PCDH15: variants seen among roughly 807,000 people sequenced by gnomAD.
The protein encoded by PCDH15 is protocadherin-15.
A neutral mutation model predicts 178.5 loss-of-function variants in PCDH15; 129 were observed. That is an observed-to-expected ratio of 0.72 (90% CI 0.63 to 0.84). The LOEUF (loss-of-function observed/expected upper bound fraction) is 0.84, where lower values mean the gene tolerates loss of function less well. Ranked by LOEUF, PCDH15 falls within the 40% of genes least tolerant of loss-of-function variation. The pLI is 0.00. For missense variants in PCDH15, 2,230 were observed against 2,099.9 expected, an observed-to-expected ratio of 1.06 and a Z score of -1.21; for synonymous variants, 800 against 732.0, an observed-to-expected ratio of 1.09 and a Z score of -1.50.
intron 15 of PCDH15, among the ~76,000 whole-genome samples, chr10:54,111,231 A>ATT (rs1369251106): frequency 6.6e-5 from 10 of 152,254 alleles, no homozygotes; most frequent in Non-Finnish European, 1.2e-4. Context: ...TTTACAAAAC[A>ATT]ACACAGTGAG....
At chr10:54,151,804 C>A (rs889156179) in intron 14 of PCDH15, among the ~76,000 whole-genome samples, 2 of 151,976 alleles carry the variant, frequency 1.3e-5, no homozygotes, top group African/African-American at 4.8e-5. Flanking sequence ...AACAAAAACA[C>A]TGAACTAGCT....
At position 54,255,129 on chromosome 10, in the gene PCDH15, A is replaced by G. The variant is rs143047726; in HGVS notation, c.877-18198T>C. 2.2e-4 allele frequency among the ~76,000 whole-genome samples: 34 copies of G among 152,350 alleles called. 1 individual carries two copies. The East Asian group carries it at 6.6e-3, about 29-fold the overall frequency. On this transcript the variant is annotated intron_variant, in intron 8 of 37. Coordinates refer to ENST00000644397, the MANE Select transcript of PCDH15 (RefSeq NM_001384140.1). ...GCTGTAGGTAATTTGTATTTTGGAC[A>G]AACATGTCAGACTTTTTTTATGTAC...
At chr10:54,711,549 T>A (rs17592217) in intron 1 of PCDH15, among the ~76,000 whole-genome samples, 10,216 of 151,946 alleles carry the variant, frequency 0.067, 464 homozygotes, top group Admixed American at 0.096. Flanking sequence ...AACTAAGGAA[T>A]CATAGAATTC....
chr10:54,500,492 C>T (rs932416677), intron 3 of PCDH15, among the ~76,000 whole-genome samples: 1 of 152,078 alleles, frequency 6.6e-6, no homozygotes, highest in Non-Finnish European at 1.5e-5. Flanking sequence ...AAATGATTTA[C>T]TGTCACTTAG....
intron 13 of PCDH15, among the ~76,000 whole-genome samples, chr10:54,164,791 A>G (rs994557654): frequency 2.6e-5 from 4 of 151,944 alleles, no homozygotes; most frequent in African/African-American, 9.7e-5. Flanking sequence ...ATGAGTGCAG[A>G]TGACTTAGAA....
intron 3 of PCDH15, among the ~76,000 whole-genome samples, chr10:54,509,825 A>G (rs1397711945): frequency 6.6e-6 from 1 of 152,146 alleles, no homozygotes; most frequent in Admixed American, 6.6e-5. Context: ...CTCAAGTGCT[A>G]ATAACTTGTT....
chr10:55,191,389 G>A (rs907078378), intron 1 of PCDH15, among the ~76,000 whole-genome samples: 1 of 151,706 alleles, frequency 6.6e-6, no homozygotes, highest in Non-Finnish European at 1.5e-5. Flanking sequence ...AGAAATGTAA[G>A]ATCCTAAGTA....
At chr10:54,710,381 ATT>A in intron 1 of PCDH15, among the ~76,000 whole-genome samples, 5 of 152,196 alleles carry the variant, frequency 3.3e-5, no homozygotes, top group Admixed American at 3.3e-4. Flanking sequence ...TTAGTTTAAT[ATT>A]GTTTAATAAT....
chr10:54,421,837 T>C (rs71502092), intron 3 of PCDH15, among the ~76,000 whole-genome samples: 2,981 of 41,984 alleles, frequency 0.071, 120 homozygotes, highest in Middle Eastern at 0.17. Flanking sequence ...TATATATATA[T>C]ACACACACAC....
intron 3 of PCDH15, among the ~76,000 whole-genome samples, chr10:54,880,413 A>G (rs1954241288): frequency 6.6e-6 from 1 of 152,116 alleles, no homozygotes; most frequent in Admixed American, 6.6e-5. Context: ...GTCTAATTAA[A>G]TGTGCCTGCC....
intron 2 of PCDH15, among the ~76,000 whole-genome samples, chr10:54,898,535 C>A (rs1000830806): frequency 6.6e-6 from 1 of 152,084 alleles, no homozygotes; most frequent in African/African-American, 2.4e-5. Context: ...GCAACTCTTT[C>A]TCTCAATAAG....
chr10:54,282,393 G>A (rs1454899912), intron 8 of PCDH15, among the ~76,000 whole-genome samples: 1 of 152,052 alleles, frequency 6.6e-6, no homozygotes, highest in Non-Finnish European at 1.5e-5. Context: ...GAAATAGAGT[G>A]TTAGGACTTT....
intron 2 of PCDH15, among the ~76,000 whole-genome samples, chr10:55,398,259 C>G (rs896054626): frequency 4.6e-5 from 7 of 151,902 alleles, no homozygotes; most frequent in African/African-American, 1.7e-4. Flanking sequence ...CCTTTAGCCT[C>G]CTGAATGAAC....
chr10:54,278,715 A>G (rs2058491903), intron 8 of PCDH15, among the ~76,000 whole-genome samples: 1 of 151,618 alleles, frequency 6.6e-6, no homozygotes, highest in Non-Finnish European at 1.5e-5. Context: ...TTTGGTCATG[A>G]ATATCAAAGT....
chr10:55,063,014 C>A (rs1349083111), intron 2 of PCDH15, among the ~76,000 whole-genome samples: 4 of 152,072 alleles, frequency 2.6e-5, no homozygotes, highest in Admixed American at 6.6e-5. Flanking sequence ...CATTTTGAAT[C>A]TCATCATTAT....
At chr10:54,148,745 A>T (rs2044228201) in intron 14 of PCDH15, among the ~76,000 whole-genome samples, 1 of 152,004 alleles carries the variant, frequency 6.6e-6, no homozygotes, top group Admixed American at 6.6e-5. Flanking sequence ...ATTTTATCTT[A>T]TTTTTGACAA....
At chr10:54,269,281 T>C (rs2057899218) in intron 8 of PCDH15, among the ~76,000 whole-genome samples, 1 of 151,988 alleles carries the variant, frequency 6.6e-6, no homozygotes, top group Admixed American at 6.6e-5. Context: ...TTCTACTGAA[T>C]GAAAGCAATA....
At chr10:54,093,076 C>T (rs2094628059) in intron 15 of PCDH15, among the ~76,000 whole-genome samples, 1 of 107,614 alleles carries the variant, frequency 9.3e-6, no homozygotes, top group Non-Finnish European at 2.3e-5. Context: ...AAGATGAGAA[C>T]ACTGTATTTA....
chr10:54,227,315 C>T (rs911306138), intron 9 of PCDH15, among the ~76,000 whole-genome samples: 1 of 152,222 alleles, frequency 6.6e-6, no homozygotes, highest in Non-Finnish European at 1.5e-5. Context: ...CTTCTGAGCA[C>T]TCACAGGCTC....
Sources: gnomAD v4.1 joint callset for allele counts (sites outside exome capture counted in the v4.1 genomes callset) on GRCh38, gnomAD v4.1.1 for gene constraint, MANE v1.5 for transcripts, NCBI Gene and HGNC (gene_info 2026-07-23, HGNC 2026-07-21) for gene names.